Variants in CUX1 observed in about 807,000 individuals in gnomAD.
CUX1 encodes the protein cut like homeobox 1.
CUX1 carries 31 observed loss-of-function variants against 158.8 expected under a neutral mutation model. That is an observed-to-expected ratio of 0.20 (90% CI 0.15 to 0.26). The LOEUF (loss-of-function observed/expected upper bound fraction) is 0.26, where lower values mean the gene tolerates loss of function less well. Among genes scored for constraint, CUX1 ranks in the 10% least tolerant of loss-of-function variants. CUX1 has a pLI of 1.00. For synonymous variants in CUX1, 879 were observed against 862.1 expected (o/e 1.02, Z -0.34); for missense variants, 1,589 against 2,014.6 (o/e 0.79, Z 4.04).
chr7:102,050,333 T>C (rs1823337277), intron 3 of CUX1, among the ~76,000 whole-genome samples: 3 of 152,198 alleles, frequency 2.0e-5, no homozygotes, highest in Admixed American at 6.5e-5. Context: ...TAGCTAGTTA[T>C]TGATTATAGG....
chr7:102,227,737 C>A, intron 21 of CUX1, 68 bp downstream of exon 21: 1 of 1,526,378 alleles, frequency 6.6e-7, no homozygotes, highest in Non-Finnish European at 8.9e-7. Context: ...AGGTGAAGGG[C>A]GGGCCCTAGG....
Position 102,193,906 on chromosome 7 carries a change from C to T in CUX1, c.1125+16C>T. On this transcript the variant is annotated intron_variant, in intron 13 of 23. Transcript: ENST00000292535. The stretch of plus-strand genomic sequence containing the variant: ...TGGGACACAGGTACGTGTCTCACCT[C>T]AATGGTCAGCACTAGCATCAGCCCC... 6.2e-7 allele frequency: 1 copy of T among 1,613,602 alleles called. No individual in the cohort carries two copies. The highest frequency in any genetic ancestry group is 2.2e-5 in the East Asian group (1 of 44,886).
intron 1 of CUX1, among the ~76,000 whole-genome samples, chr7:101,877,512 C>A (rs1452917827): frequency 6.6e-6 from 1 of 152,174 alleles, no homozygotes; most frequent in Non-Finnish European, 1.5e-5. Context: ...CATGGCAAAA[C>A]CCCGTCTCTA....
intron 1 of CUX1, among the ~76,000 whole-genome samples, chr7:101,828,865 G>C (rs1275354241): frequency 2.0e-5 from 3 of 152,150 alleles, no homozygotes; most frequent in Non-Finnish European, 4.4e-5. Context: ...GTGGCTGATG[G>C]GGGGTGGGCT....
At chr7:101,985,212 G>GCCCTCT (rs1814126315) in intron 2 of CUX1, among the ~76,000 whole-genome samples, 1 of 152,140 alleles carries the variant, frequency 6.6e-6, no homozygotes, top group African/African-American at 2.4e-5. Flanking sequence ...GTGTATACAC[G>GCCCTCT]CTATAGTCTT....
intron 20 of CUX1, chr7:102,280,986 T>C: frequency 3.7e-6 from 3 of 813,430 alleles, no homozygotes; most frequent in Non-Finnish European, 6.0e-6. Flanking sequence ...GGCTGTGTGA[T>C]CTGGGACAGG....
In CUX1 at chr7:102,102,517, C is replaced by T. The variant is rs186987417; in HGVS notation, c.407-1819C>T. On this transcript the variant is annotated intron_variant, in intron 5 of 23. Transcript: ENST00000292535. ...GGTGTTTTGCTCCTGCTCTGGCCAG[C>T]GCATGTCCGTGCAGCTCAGGGAGCA... Among the ~76,000 whole-genome samples, 921 of 151,668 alleles carry T rather than the reference C, an allele frequency of 6.1e-3. 5 individuals carry two copies. The highest frequency in any genetic ancestry group is 0.012 in the Admixed American group (178 of 15,214).
At chr7:102,262,434 C>A (rs2132743206), downstream of CUX1, among the ~76,000 whole-genome samples, 1 of 8,062 alleles carries the variant, frequency 1.2e-4, no homozygotes, top group Non-Finnish European at 3.2e-4. Flanking sequence ...ATGGATAACT[C>A]ACAGGGTTAC....
intron 3 of CUX1, among the ~76,000 whole-genome samples, chr7:102,060,547 G>A (rs561001258): frequency 1.4e-5 from 2 of 141,156 alleles, no homozygotes; most frequent in East Asian, 2.0e-4. Flanking sequence ...AGAGATCAAG[G>A]CTTCAGTATA....
At chr7:101,825,824 G>A (rs924089633) in intron 1 of CUX1, among the ~76,000 whole-genome samples, 4 of 149,640 alleles carry the variant, frequency 2.7e-5, no homozygotes, top group Non-Finnish European at 4.5e-5. Flanking sequence ...GTTAGTCTTC[G>A]GGGCTGCTTA....
chr7:102,271,532 G>A (rs775070801), intron 14 of CUX1, among the ~76,000 whole-genome samples: 3 of 152,206 alleles, frequency 2.0e-5, no homozygotes, highest in African/African-American at 4.8e-5. Flanking sequence ...GGTATTTATC[G>A]TCTCTCTGGA....
At chr7:102,233,946 T>G in intron 21 of CUX1, 106 bp from the exon 22 acceptor site, 17 of 887,922 alleles carry the variant, frequency 1.9e-5, no homozygotes, top group South Asian at 2.6e-5. Flanking sequence ...AGCCCAACCC[T>G]GAGCCTTTAA....
At chr7:102,187,342 TA>T (rs3216521) in intron 11 of CUX1, among the ~76,000 whole-genome samples, 11 of 146,310 alleles carry the variant, frequency 7.5e-5, no homozygotes, top group Non-Finnish European at 9.1e-5. Context: ...AAAATAACTT[TA>T]AAAAAAAAAA....
intron 1 of CUX1, among the ~76,000 whole-genome samples, chr7:101,914,088 G>C (rs964436455): frequency 6.6e-6 from 1 of 151,762 alleles, no homozygotes; most frequent in African/African-American, 2.4e-5. Flanking sequence ...CCTTAACTGG[G>C]ATGTGTTTCA....
rs556365653 is a variant in CUX1, at chr7:102,171,648, G to A, written c.828+1098G>A. ...TTTTTTATAGGGACTAGGTTTTGTC[G>A]CGTTGCCCAGGCTGGTCTCAAACTC... On this transcript the variant is annotated intron_variant, in intron 10 of 23. Coordinates refer to ENST00000292535, the MANE Select transcript of CUX1 (RefSeq NM_181552.4). 1.3e-4 allele frequency among the ~76,000 whole-genome samples: 19 copies of A among 151,770 alleles called. No individual in the cohort carries two copies. In the South Asian group the frequency reaches 2.9e-3, roughly 23 times the overall value.
intron 2 of CUX1, among the ~76,000 whole-genome samples, chr7:101,985,700 C>G (rs1814208217): frequency 6.6e-6 from 1 of 152,202 alleles, no homozygotes; most frequent in African/African-American, 2.4e-5. Flanking sequence ...AAAGCCACCA[C>G]CCTGTTTTGA....
chr7:102,101,786 C>A lies in CUX1; in HGVS notation c.407-2550C>A, dbSNP rs187582026. Among the ~76,000 whole-genome samples the A allele has an allele frequency of 2.5e-3, 382 of 152,158 alleles. 3 individuals are homozygous for A. Among genetic ancestry groups the A allele is most frequent in the African/African-American group, 8.6e-3 (358 of 41,520 alleles). ...AATTAGCCAGGTGTGATGGCACACGCCTGTAATCCCAGCTCTTCGGGAGAC... is the reference window on the plus strand; with the variant it reads ...AATTAGCCAGGTGTGATGGCACACGACTGTAATCCCAGCTCTTCGGGAGAC... On this transcript the variant is annotated intron_variant, in intron 5 of 23. Coordinates refer to ENST00000292535, the MANE Select transcript of CUX1 (RefSeq NM_181552.4).
intron 8 of CUX1, among the ~76,000 whole-genome samples, chr7:102,157,230 G>A (rs1789869333): frequency 6.6e-6 from 1 of 152,120 alleles, no homozygotes; most frequent in African/African-American, 2.4e-5. Flanking sequence ...GCAGCAGAGT[G>A]CAGGTGCATG....
chr7:102,215,066 C>T (rs1326021631), intron 20 of CUX1, among the ~76,000 whole-genome samples: 7 of 152,156 alleles, frequency 4.6e-5, no homozygotes, highest in African/African-American at 1.7e-4. Flanking sequence ...AGAGAGGACA[C>T]CCGGGCCCCA....
Sources: gnomAD v4.1 joint callset for allele counts (sites outside exome capture counted in the v4.1 genomes callset) on GRCh38, gnomAD v4.1.1 for gene constraint, MANE v1.5 for transcripts, NCBI Gene and HGNC (gene_info 2026-07-23, HGNC 2026-07-21) for gene names.